The following ANKRD17 variants were observed in gnomAD, a reference collection of about 807,000 sequenced individuals.
The protein encoded by ANKRD17 is ankyrin repeat domain 17, also known as ankyrin repeat domain-containing protein 17.
ANKRD17 carries 19 observed loss-of-function variants against 229.7 expected under a neutral mutation model. The ratio of observed to expected loss-of-function variants is 0.08; its 90% CI spans 0.06 to 0.12. The LOEUF (loss-of-function observed/expected upper bound fraction) is 0.12. Ranked by LOEUF, ANKRD17 falls within the 10% of genes least tolerant of loss-of-function variation. The pLI, the probability that ANKRD17 is intolerant of heterozygous loss-of-function variation, is 1.00. For synonymous variants in ANKRD17, 1,112 were observed against 1,146.1 expected (o/e 0.97, Z 0.60); for missense variants, 2,176 against 3,176.8 (o/e 0.68, Z 7.57).
In ANKRD17 at chr4:73,211,381, G is replaced by T. The variant is rs148128289; in HGVS notation, c.394-33848C>A. On this transcript the variant is annotated intron_variant, in intron 1 of 33. Transcript: ENST00000358602. The stretch of plus-strand genomic sequence containing the variant: ...AGTGTTGTAAAGATAAAGTTGAGTG[G>T]ATAGAATGAAGTCATATAATGTATA... Among the ~76,000 whole-genome samples the T allele has an allele frequency of 1.9e-3, 284 of 152,206 alleles. 1 individual carries two copies. The highest frequency in any genetic ancestry group is 4.8e-3 in the South Asian group (23 of 4,824).
intron 1 of ANKRD17, among the ~76,000 whole-genome samples, chr4:73,214,986 A>G (rs2149176886): frequency 6.6e-6 from 1 of 152,314 alleles, no homozygotes; most frequent in East Asian, 1.9e-4. Flanking sequence ...TGTCTCAAGA[A>G]AAACACTTGT....
rs1353516742 is a variant in ANKRD17, at chr4:73,213,027, A to AG, written c.394-35495dup. Among the ~76,000 whole-genome samples the AG allele has an allele frequency of 2.5e-3, 49 of 19,436 alleles. No individual in the cohort carries two copies. The South Asian group carries it at 0.056, about 22-fold the overall frequency. The allele number at this position is 19,436 out of a possible 152,430, so 12.8% of individuals were successfully genotyped here. ...GGGAGACAAAGCAAGACTCCGTTTC[A>AG]GGGGAAAAAAAAAAAAAAAAGAAAT... On this transcript the variant is annotated intron_variant, in intron 1 of 33. Transcript: ENST00000358602.
intron 1 of ANKRD17, among the ~76,000 whole-genome samples, chr4:73,246,165 T>G (rs1469546632): frequency 6.6e-6 from 1 of 152,186 alleles, no homozygotes; most frequent in African/African-American, 2.4e-5. Flanking sequence ...GGAAAATCAG[T>G]ATAACCAAGA....
At position 73,164,562 on chromosome 4, in the gene ANKRD17, G is replaced by A. The variant is rs142175473; in HGVS notation, c.548-3214C>T. Among the ~76,000 whole-genome samples, 690 of 152,158 alleles carry A rather than the reference G, an allele frequency of 4.5e-3. 5 individuals carry two copies. The highest frequency in any genetic ancestry group is 6.8e-3 in the Non-Finnish European group (459 of 67,992). ...TACGCCTGTAATCCTACTACTTGGC[G>A]GGTGGATTTCCTGAGCTCAGGAGTT... On this transcript the variant is annotated intron_variant, in intron 2 of 33. Transcript: ENST00000358602.
At chr4:73,217,083 T>C (rs757100707) in intron 1 of ANKRD17, among the ~76,000 whole-genome samples, 7 of 152,192 alleles carry the variant, frequency 4.6e-5, no homozygotes, top group Non-Finnish European at 1.0e-4. Context: ...CCAATGTTGT[T>C]GCCTCTATAA....
intron 2 of ANKRD17, among the ~76,000 whole-genome samples, chr4:73,166,060 C>T (rs576507528): frequency 2.6e-5 from 4 of 152,294 alleles, no homozygotes; most frequent in Non-Finnish European, 2.9e-5. Context: ...AATAAGTGGG[C>T]GTTGTTTCAC....
intron 15 of ANKRD17, among the ~76,000 whole-genome samples, chr4:73,136,769 C>T (rs1728945239): frequency 6.6e-6 from 1 of 151,896 alleles, no homozygotes; most frequent in Non-Finnish European, 1.5e-5. Flanking sequence ...AAATTGATTC[C>T]ATATCTCCTT....
At chr4:73,105,714 C>G (rs6446915) in intron 24 of ANKRD17, among the ~76,000 whole-genome samples, 152,068 of 152,378 alleles carry the variant, frequency 1, 75,880 homozygotes, top group East Asian at 1. Context: ...ATGGTTCAGA[C>G]CTAAGATTTA....
At chr4:73,171,078 T>A (rs1036995210) in intron 2 of ANKRD17, among the ~76,000 whole-genome samples, 3 of 151,832 alleles carry the variant, frequency 2.0e-5, no homozygotes, top group African/African-American at 7.3e-5. Flanking sequence ...TGAGACCCAG[T>A]GCTCTGCTGG....
At position 73,133,751 on chromosome 4, in the gene ANKRD17, A is replaced by G. The variant is rs111667164; in HGVS notation, c.3234+1366T>C. Among the ~76,000 whole-genome samples, 222 of 151,588 alleles carry G rather than the reference A, an allele frequency of 1.5e-3. 1 individual carries two copies. In the South Asian group the frequency reaches 0.016, roughly 11 times the overall value. On this transcript the variant is annotated intron_variant, in intron 16 of 33. Transcript: ENST00000358602. ...TGGTAGTTAAGAGTGTCTTTGGGGG[A>G]TGGTGGCACACCTGTAATTCCAGCT...
Position 73,142,299 on chromosome 4 carries a change from A to C in ANKRD17, c.2172T>G (p.Leu724=). 6.4e-7 allele frequency: 1 copy of C among 1,561,754 alleles called. No homozygotes were observed. The highest frequency in any genetic ancestry group is 8.6e-7 in the Non-Finnish European group (1 of 1,166,604). ...CYLLDYPNNL[L]SAPPPDVTQL... is the part of the protein sequence containing the mutation. ...GAGTGACATCTGGTGGAGGGGCTGAAAGCAAGTTATTAGGATAATCCAAGA... is the reference window on the plus strand; with the variant it reads ...GAGTGACATCTGGTGGAGGGGCTGACAGCAAGTTATTAGGATAATCCAAGA... The change falls in exon 13 of 34, where the codon CTT becomes CTG. Residue 724 remains leucine, a synonymous_variant. Transcript: ENST00000358602.
chr4:73,257,432 C>T (rs759039080), intron 1 of ANKRD17, among the ~76,000 whole-genome samples: 17 of 152,292 alleles, frequency 1.1e-4, no homozygotes, highest in Non-Finnish European at 2.1e-4. Context: ...TATTCCAACT[C>T]ACCACAACCA....
intron 1 of ANKRD17, among the ~76,000 whole-genome samples, chr4:73,196,998 G>A (rs540128613): frequency 6.6e-6 from 1 of 152,206 alleles, no homozygotes; most frequent in Admixed American, 6.5e-5. Context: ...ATATAATTAA[G>A]ACAAAATCCC....
chr4:73,231,849 A>T (rs1227432328), intron 1 of ANKRD17, among the ~76,000 whole-genome samples: 4 of 152,170 alleles, frequency 2.6e-5, no homozygotes, highest in Non-Finnish European at 5.9e-5. Flanking sequence ...AATCATGCCT[A>T]TGTAATAAAG....
chr4:73,124,794 C>T, intron 18 of ANKRD17, 119 bp downstream of exon 18: 1 of 1,244,266 alleles, frequency 8.0e-7, no homozygotes, highest in Non-Finnish European at 1.1e-6. Flanking sequence ...ATAATAGTTT[C>T]AGTTATTGTG....
intron 1 of ANKRD17, among the ~76,000 whole-genome samples, chr4:73,232,824 AG>A (rs1743177903): frequency 1.3e-5 from 2 of 152,160 alleles, no homozygotes; most frequent in South Asian, 4.1e-4. Context: ...CCCAGGTTCA[AG>A]CAATTCTCCT....
chr4:73,099,013 C>G (rs1356194973), intron 25 of ANKRD17: 11 of 985,806 alleles, frequency 1.1e-5, no homozygotes, highest in African/African-American at 9.6e-5. Context: ...CAAAGGGAAG[C>G]AAAAACAAGG....
chr4:73,232,728 CCTTTTT>C (rs1174654840), intron 1 of ANKRD17, among the ~76,000 whole-genome samples: 1 of 151,916 alleles, frequency 6.6e-6, no homozygotes, highest in Non-Finnish European at 1.5e-5. Context: ...CAATACCCCC[CCTTTTT>C]ATTTTTTGAG....
chr4:73,179,518 A>ATATT (rs1192164276), intron 1 of ANKRD17, among the ~76,000 whole-genome samples: 955 of 40,730 alleles, frequency 0.023, 55 homozygotes, highest in African/African-American at 0.042. Context: ...ATATATATAT[A>ATATT]TTTTTTTTTT....
Sources: allele counts gnomAD v4.1 joint callset (sites outside exome capture counted in the v4.1 genomes callset), GRCh38; gene constraint gnomAD v4.1.1; transcripts MANE v1.5; gene names NCBI Gene and HGNC (gene_info 2026-07-23, HGNC 2026-07-21).